PRDM5: variants seen among roughly 807,000 people sequenced by gnomAD.
PRDM5 encodes PR domain zinc finger protein 5.
A neutral mutation model predicts 81.2 loss-of-function variants in PRDM5; 56 were observed. The ratio of observed to expected loss-of-function variants is 0.69; its 90% confidence interval spans 0.56 to 0.86. PRDM5 has a LOEUF of 0.86. Ranked by LOEUF, PRDM5 falls within the 40% of genes least tolerant of loss-of-function variation. PRDM5 has a pLI of 0.00. For missense variants in PRDM5, 697 were observed against 770.1 expected, an observed-to-expected ratio of 0.91 and a Z score of 1.12; for synonymous variants, 267 against 256.4, an observed-to-expected ratio of 1.04 and a Z score of -0.39.
chr4:120,835,203 G>T (rs1424308505), intron 3 of PRDM5, among the ~76,000 whole-genome samples: 1 of 152,162 alleles, frequency 6.6e-6, no homozygotes, highest in Non-Finnish European at 1.5e-5. Context: ...TTCCTAAAGA[G>T]TGGAAATAGC....
chr4:120,804,798 A>T (rs2149303914), intron 8 of PRDM5, among the ~76,000 whole-genome samples: 1 of 152,330 alleles, frequency 6.6e-6, no homozygotes, highest in East Asian at 1.9e-4. Context: ...GAACTAGAGA[A>T]GCAAGAACAA....
chr4:120,853,551 A>T lies in PRDM5; in HGVS notation c.178-11T>A. The T allele has an allele frequency of 6.2e-7, 1 of 1,613,558 alleles. No homozygotes were observed. Among genetic ancestry groups the T allele is most frequent in the Non-Finnish European group, 8.5e-7 (1 of 1,179,580 alleles). On this transcript the variant is annotated splice_polypyrimidine_tract_variant and intron_variant, in intron 2 of 15. Transcript: ENST00000264808. ...CTTACTCCCACGAACCTGAAACATT[A>T]AAGGCTCCTGAGTTTACAATGGAAG...
In PRDM5 at chr4:120,853,498, T is replaced by A. The variant is rs1357251511; in HGVS notation, c.220A>T (p.Thr74Ser). ...KGEVLYILDATNPRHSNWLRF... is the reference protein window; with the variant it reads ...KGEVLYILDASNPRHSNWLRF... ...AGCCAGTTGGAGTGCCGTGGGTTGG[T>A]AGCATCCAAAATGTACAAAACTTCT... Residue 74 changes from threonine (T) to serine (S), a missense_variant, in exon 3 of 16, where the codon ACC (threonine) becomes TCC (serine). Around this residue, in one of 3 missense-constraint regions of PRDM5, gnomAD observed 577 missense variants for 606.7 expected, o/e 0.95. Coordinates refer to ENST00000264808, the MANE Select transcript of PRDM5 (RefSeq NM_018699.4). The A allele has an allele frequency of 6.2e-7, 1 of 1,613,764 alleles. No homozygotes were observed. The highest frequency in any genetic ancestry group is 1.1e-5 in the South Asian group (1 of 91,076).
chr4:120,909,819 C>A (rs1019581401), intron 1 of PRDM5, among the ~76,000 whole-genome samples: 1 of 113,764 alleles, frequency 8.8e-6, no homozygotes, highest in Non-Finnish European at 1.9e-5. Flanking sequence ...TTTAAAGCTT[C>A]ACCATTAATA....
At chr4:120,838,962 A>T in intron 3 of PRDM5, 1 of 514,556 alleles carries the variant, frequency 1.9e-6, no homozygotes, top group Non-Finnish European at 3.5e-6. Context: ...AAGGGTGGGC[A>T]GCTCCAGGTG....
chr4:120,717,554 CAA>C (rs1737972458), intron 14 of PRDM5, among the ~76,000 whole-genome samples: 1 of 152,228 alleles, frequency 6.6e-6, no homozygotes, highest in East Asian at 1.9e-4. Flanking sequence ...TCTACAGAAA[CAA>C]AGTTAAATTT....
At chr4:120,918,010 C>T (rs569188753) in intron 1 of PRDM5, among the ~76,000 whole-genome samples, 1 of 152,282 alleles carries the variant, frequency 6.6e-6, no homozygotes, top group Admixed American at 6.5e-5. Context: ...TGCAGGACTT[C>T]ACTAAAAACT....
intron 14 of PRDM5, among the ~76,000 whole-genome samples, chr4:120,735,352 CTCTG>C (rs1236878625): frequency 2.0e-5 from 3 of 152,128 alleles, no homozygotes; most frequent in Non-Finnish European, 4.4e-5. Context: ...TCAAATGAAA[CTCTG>C]TCTAAATTTT....
intron 13 of PRDM5, among the ~76,000 whole-genome samples, chr4:120,769,431 T>C (rs1006096672): frequency 6.6e-6 from 1 of 151,986 alleles, no homozygotes; most frequent in African/African-American, 2.4e-5. Flanking sequence ...TAACACGTAA[T>C]TGGAGACTGG....
At chr4:120,733,779 T>C (rs1326636092) in intron 14 of PRDM5, among the ~76,000 whole-genome samples, 1 of 150,400 alleles carries the variant, frequency 6.6e-6, no homozygotes, top group Non-Finnish European at 1.5e-5. Flanking sequence ...TAAATACCAA[T>C]GAGGATGAGG....
rs560676923 is a variant in PRDM5 at position 120,886,948 on chromosome 4, T to C, written c.177+20526A>G. 5.2e-4 allele frequency among the ~76,000 whole-genome samples: 60 copies of C among 115,778 alleles called. 1 individual carries two copies. The highest frequency in any genetic ancestry group is 4.3e-3 in the Admixed American group (44 of 10,146). 76.0% of individuals were successfully genotyped at this position (115,778 alleles called of 152,430 possible). On this transcript the variant is annotated intron_variant, in intron 2 of 15. Transcript: ENST00000264808. ...AAGTCATTCTTGACTCTTCTCTTTC[T>C]TTTTTTTTTTTTTATGAGATGAAGT...
intron 13 of PRDM5, among the ~76,000 whole-genome samples, chr4:120,767,777 C>T (rs1746588579): frequency 6.6e-6 from 1 of 152,170 alleles, no homozygotes; most frequent in Non-Finnish European, 1.5e-5. Flanking sequence ...TCCCATAATT[C>T]CCATGTGTCA....
At chr4:120,805,862 C>T (rs1289945376) in intron 8 of PRDM5, among the ~76,000 whole-genome samples, 1 of 151,834 alleles carries the variant, frequency 6.6e-6, no homozygotes, top group African/African-American at 2.4e-5. Context: ...GGCAATCAGG[C>T]AGGAGAAAAA....
intron 14 of PRDM5, among the ~76,000 whole-genome samples, chr4:120,740,449 C>T (rs1741754955): frequency 6.6e-6 from 1 of 151,998 alleles, no homozygotes; most frequent in Non-Finnish European, 1.5e-5. Flanking sequence ...TCCGCTCCTC[C>T]CCTCCTTCCT....
intron 10 of PRDM5, among the ~76,000 whole-genome samples, chr4:120,789,981 A>T (rs1370423503): frequency 6.6e-6 from 1 of 152,166 alleles, no homozygotes; most frequent in African/African-American, 2.4e-5. Context: ...GAGTCCCCAC[A>T]ATCCTGATTA....
rs1725103713 is a variant in PRDM5 at position 120,922,575 on chromosome 4, G to A, written c.34C>T (p.Leu12=). 2 of 1,610,690 alleles carry A rather than the reference G, an allele frequency of 1.2e-6. No individual in the cohort carries two copies. Among genetic ancestry groups the A allele is most frequent in the African/African-American group, 1.3e-5 (1 of 74,844 alleles). Residue 12 remains leucine (L), a synonymous_variant, in exon 1 of 16, where the codon CTG becomes TTG. Transcript: ENST00000264808. ...LGMYVPDRFS[L]KSSRVQDGMG... ...CCGTCCTGAACCCGGGAGGACTTCAGGGAGAACCTGTCCGGCACGTACATG... is the reference window on the plus strand; with the variant it reads ...CCGTCCTGAACCCGGGAGGACTTCAAGGAGAACCTGTCCGGCACGTACATG...
chr4:120,908,659 G>A (rs1456924391), intron 1 of PRDM5, among the ~76,000 whole-genome samples: 2 of 152,202 alleles, frequency 1.3e-5, no homozygotes, highest in Admixed American at 6.5e-5. Flanking sequence ...GAGCCAGGAA[G>A]ACCATTTCTT....
rs1318343749 is a variant in PRDM5 at position 120,798,367 on chromosome 4, A to C, written c.1088T>G (p.Val363Gly). The change falls in exon 10 of 16, where the codon GTG becomes GGG. Residue 363 changes from valine to glycine, a missense_variant. Coordinates refer to ENST00000264808, the MANE Select transcript of PRDM5 (RefSeq NM_018699.4). ...CNKSFKRLDQ[V>G]GAHKVIHSED... ...GCTGTGTATTACTTTGTGAGCACCC[A>C]CTTGATCAAGCCTCTTGAAAGACTT... is the stretch of plus-strand genomic sequence containing the variant. 1 of 1,613,206 alleles carries C rather than the reference A, an allele frequency of 6.2e-7. No homozygotes were observed.
intron 1 of PRDM5, among the ~76,000 whole-genome samples, chr4:120,915,128 A>G (rs897643297): frequency 2.0e-5 from 3 of 152,206 alleles, no homozygotes; most frequent in African/African-American, 7.2e-5. Context: ...AACCACTTGT[A>G]CCCCTAAAGC....
Sources: gnomAD v4.1 joint callset for allele counts (sites outside exome capture counted in the v4.1 genomes callset) on GRCh38, gnomAD v4.1.1 for gene constraint, gnomAD v4.1.1 regional missense constraint, MANE v1.5 for transcripts, NCBI Gene and HGNC (gene_info 2026-07-23, HGNC 2026-07-21) for gene names.